The following GUCY1A1 variants were observed in gnomAD, a reference collection of about 807,000 sequenced individuals.
The protein encoded by GUCY1A1 is guanylate cyclase 1 soluble subunit alpha 1, also known as guanylate cyclase soluble subunit alpha-1.
A neutral mutation model predicts 64.5 loss-of-function variants in GUCY1A1; 48 were observed. That is an observed-to-expected ratio of 0.74 (90% CI 0.59 to 0.95). The LOEUF (loss-of-function observed/expected upper bound fraction) is 0.95, where lower values mean the gene tolerates loss of function less well. GUCY1A1 is among the 40% of genes least tolerant of loss of function. The probability of loss-of-function intolerance (pLI) is 0.00; values close to 1 mark genes in which losing one functional copy is unlikely to be tolerated. For missense variants in GUCY1A1, 804 were observed against 825.3 expected, an observed-to-expected ratio of 0.97 and a Z score of 0.32; for synonymous variants, 308 against 303.4, an observed-to-expected ratio of 1.02 and a Z score of -0.16.
At chr4:155,716,622 A>G (rs911981712) in intron 7 of GUCY1A1, among the ~76,000 whole-genome samples, 1 of 152,124 alleles carries the variant, frequency 6.6e-6, no homozygotes, top group African/African-American at 2.4e-5. Flanking sequence ...TGTAATTGCT[A>G]TGAGGACCCC....
chr4:155,724,753 TCTAA>T (rs1383456798), intron 9 of GUCY1A1, among the ~76,000 whole-genome samples: 14 of 152,150 alleles, frequency 9.2e-5, no homozygotes, highest in Admixed American at 4.6e-4. Context: ...CTTTTATGAC[TCTAA>T]CTATTTTTTA....
Position 155,730,285 on chromosome 4 carries a change from A to G in GUCY1A1, c.*54A>G, listed in dbSNP as rs1735387319. On this transcript the variant is annotated 3_prime_UTR_variant, in exon 10 of 10. Transcript: ENST00000506455. ...GGGGTTTGACTCATTGAAGATGTGT[A>G]GAGCCTCTGAAAGCACTTTAGGGAT... 3.4e-6 allele frequency: 4 copies of G among 1,172,182 alleles called. No individual in the cohort carries two copies. The highest frequency in any genetic ancestry group is 5.1e-6 in the Non-Finnish European group (4 of 787,194). 72.6% of individuals were successfully genotyped at this position (1,172,182 alleles called of 1,614,324 possible). A position where few individuals can be genotyped will look rare whatever the true frequency, so the allele number is the denominator to read the frequency against.
chr4:155,716,144 C>A (rs1271992350), intron 7 of GUCY1A1, among the ~76,000 whole-genome samples: 1 of 151,926 alleles, frequency 6.6e-6, no homozygotes, highest in Admixed American at 6.6e-5. Flanking sequence ...ACTAAGTGAG[C>A]AATATGGAGA....
chr4:155,671,288 A>G (rs968364981), intron 2 of GUCY1A1, among the ~76,000 whole-genome samples: 1 of 152,010 alleles, frequency 6.6e-6, no homozygotes, highest in East Asian at 1.9e-4. Flanking sequence ...CCAACCCTTA[A>G]ATCTCTTGCC....
chr4:155,693,578 G>A (rs927987789), intron 2 of GUCY1A1, among the ~76,000 whole-genome samples: 8 of 152,120 alleles, frequency 5.3e-5, no homozygotes, highest in African/African-American at 1.7e-4. Flanking sequence ...TCAACACTGC[G>A]TGCATCTGCT....
intron 8 of GUCY1A1, among the ~76,000 whole-genome samples, chr4:155,719,125 T>C (rs1219993503): frequency 6.6e-6 from 1 of 152,166 alleles, no homozygotes; most frequent in Non-Finnish European, 1.5e-5. Context: ...ATTTTTGTTA[T>C]TTGCAGAAAT....
Position 155,736,579 on chromosome 4 carries a change from A to T in GUCY1A1, c.*6348A>T, listed in dbSNP as rs1736078004. The T allele has an allele frequency of 6.6e-6, 1 of 152,020 alleles. No homozygotes were observed. Among genetic ancestry groups the T allele is most frequent in the African/African-American group, 2.4e-5 (1 of 41,422 alleles). The allele number at this position is 152,020 out of a possible 1,614,324, so 9.4% of individuals were successfully genotyped here. Reference sequence around the variant, plus strand: ...GTTCAAAATGAGAAGACAATAACTGACAAGTCTGTGATTTTTGGGTTAGAT... The same window carrying T: ...GTTCAAAATGAGAAGACAATAACTGTCAAGTCTGTGATTTTTGGGTTAGAT... On this transcript the variant is annotated 3_prime_UTR_variant, in exon 10 of 10. Coordinates refer to ENST00000506455, the MANE Select transcript of GUCY1A1 (RefSeq NM_001130682.3).
chr4:155,712,865 G>T (rs2126871812), intron 6 of GUCY1A1, among the ~76,000 whole-genome samples: 2 of 152,306 alleles, frequency 1.3e-5, no homozygotes, highest in Non-Finnish European at 1.5e-5. Context: ...AGAGCGTTTT[G>T]CATTGTTCAT....
At chr4:155,706,233 C>T (rs1458121812) in intron 4 of GUCY1A1, among the ~76,000 whole-genome samples, 1 of 152,134 alleles carries the variant, frequency 6.6e-6, no homozygotes, top group African/African-American at 2.4e-5. Context: ...TTGATGAGAA[C>T]TATTCAGTTG....
At chr4:155,693,892 A>G (rs1419616011) in intron 2 of GUCY1A1, among the ~76,000 whole-genome samples, 2 of 152,184 alleles carry the variant, frequency 1.3e-5, no homozygotes, top group African/African-American at 2.4e-5. Flanking sequence ...TTGAAATCCA[A>G]TGTGAATGAG....
chr4:155,715,212 G>A (rs962940551), intron 7 of GUCY1A1, among the ~76,000 whole-genome samples: 27 of 151,770 alleles, frequency 1.8e-4, no homozygotes, highest in Non-Finnish European at 3.5e-4. Flanking sequence ...AGATTACTTC[G>A]AGATAGCTGA....
chr4:155,687,999 G>A lies in GUCY1A1; in HGVS notation c.-112-8757G>A, dbSNP rs570885140. ...AGCACTTTGGGAGGCCGAAGTGGGC[G>A]GATCATGAGGTCAGGAGATCGAGAC... On this transcript the variant is annotated intron_variant, in intron 2 of 9. Coordinates refer to ENST00000506455, the MANE Select transcript of GUCY1A1 (RefSeq NM_001130682.3). Among the ~76,000 whole-genome samples the A allele has an allele frequency of 2.1e-3, 317 of 152,044 alleles. 1 individual carries two copies. The highest frequency in any genetic ancestry group is 6.9e-3 in the African/African-American group (286 of 41,476).
rs1352452022 is a variant in GUCY1A1 at position 155,731,420 on chromosome 4, T to A, written c.*1189T>A. 6.6e-6 allele frequency: 1 copy of A among 151,514 alleles called. No homozygotes were observed. Among genetic ancestry groups the A allele is most frequent in the African/African-American group, 2.4e-5 (1 of 41,356 alleles). 9.4% of individuals were successfully genotyped at this position (151,514 alleles called of 1,614,324 possible). A position where few individuals can be genotyped will look rare whatever the true frequency, so the allele number is the denominator to read the frequency against. On this transcript the variant is annotated 3_prime_UTR_variant, in exon 10 of 10. Coordinates refer to ENST00000506455, the MANE Select transcript of GUCY1A1 (RefSeq NM_001130682.3). ...TTTATTCTACTTGAAATATCTTGAC[T>A]TAAAAAAAACGACTGTTAGTATTGA...
At chr4:155,705,185 C>T (rs891339515) in intron 4 of GUCY1A1, among the ~76,000 whole-genome samples, 3 of 152,208 alleles carry the variant, frequency 2.0e-5, no homozygotes, top group Non-Finnish European at 4.4e-5. Context: ...GCCACTGCGC[C>T]TTGTCTCTAA....
Position 155,713,316 on chromosome 4 carries a change from C to A in GUCY1A1, c.1305C>A (p.Thr435=), listed in dbSNP as rs148849275. The A allele has an allele frequency of 5.4e-5, 87 of 1,614,122 alleles. No individual in the cohort carries two copies. Among genetic ancestry groups the A allele is most frequent in the Admixed American group, 1.0e-4 (6 of 60,012 alleles). Residue 435 remains threonine (T), a synonymous_variant, in exon 7 of 10, where the codon ACC becomes ACA. Transcript: ENST00000506455. ...LKKRLGKLKA[T]LEQAHQALEE... ...AGAGGCTGGGGAAGCTGAAGGCTAC[C>A]CTTGAGCAAGCCCACCAAGCCCTGG...
chr4:155,734,932 A>G lies in GUCY1A1; in HGVS notation c.*4701A>G, dbSNP rs758874799. On this transcript the variant is annotated 3_prime_UTR_variant, in exon 10 of 10. Transcript: ENST00000506455. ...CAATTACTGAAAGCCATAAGCTTAC[A>G]GTAACGGAGCCAATTAATCCTTTGT... 1 of 152,000 alleles carries G rather than the reference A, an allele frequency of 6.6e-6. No individual in the cohort carries two copies. The highest frequency in any genetic ancestry group is 2.4e-5 in the African/African-American group (1 of 41,420). 9.4% of individuals were successfully genotyped at this position (152,000 alleles called of 1,614,324 possible). A position where few individuals can be genotyped will look rare whatever the true frequency, so the allele number is the denominator to read the frequency against.
intron 2 of GUCY1A1, among the ~76,000 whole-genome samples, chr4:155,681,390 T>G (rs781468664): frequency 1.3e-5 from 2 of 152,254 alleles, no homozygotes; most frequent in East Asian, 3.9e-4. Flanking sequence ...CTCACAATCC[T>G]TCTTTCAAAC....
intron 2 of GUCY1A1, among the ~76,000 whole-genome samples, chr4:155,677,851 C>CA (rs397836387): frequency 9.2e-6 from 1 of 108,142 alleles, no homozygotes; most frequent in African/African-American, 2.8e-5. Context: ...GATTCCATTT[C>CA]AAAAATATAT....
intron 7 of GUCY1A1, among the ~76,000 whole-genome samples, 168 bp from the exon 8 acceptor site, chr4:155,716,991 G>T (rs1001221176): frequency 6.6e-6 from 1 of 152,050 alleles, no homozygotes; most frequent in South Asian, 2.1e-4. Context: ...TAAACCTTGC[G>T]CATTTCCTGA....
Sources: gnomAD v4.1 joint callset for allele counts (sites outside exome capture counted in the v4.1 genomes callset) on GRCh38, gnomAD v4.1.1 for gene constraint, MANE v1.5 for transcripts, NCBI Gene and HGNC (gene_info 2026-07-23, HGNC 2026-07-21) for gene names.